FHIT: variants seen among roughly 807,000 people sequenced by gnomAD.
FHIT encodes fragile histidine triad diadenosine triphosphatase.
In FHIT, 19 loss-of-function variants were observed where a neutral mutation model predicts 17.9. That is an observed-to-expected ratio of 1.06 (90% CI 0.74 to 1.56). FHIT has a LOEUF of 1.56. Ranked by LOEUF, FHIT falls within the 40% of genes most tolerant of loss-of-function variation. FHIT has a pLI of 0.00. For missense variants in FHIT, 248 were observed against 189.2 expected (o/e 1.31, Z -1.82); for synonymous variants, 81 against 69.7 (o/e 1.16, Z -0.81).
At chr3:60,818,342 G>A (rs1701807195) in intron 4 of FHIT, among the ~76,000 whole-genome samples, 1 of 152,098 alleles carries the variant, frequency 6.6e-6, no homozygotes, top group African/African-American at 2.4e-5. Context: ...GTTATTGTAT[G>A]CAGAGCTTCA....
At chr3:60,957,375 T>C (rs927683586) in intron 3 of FHIT, among the ~76,000 whole-genome samples, 6 of 151,904 alleles carry the variant, frequency 3.9e-5, no homozygotes, top group Admixed American at 1.3e-4. Flanking sequence ...GTAGCTGGGA[T>C]TACAGGCACG....
intron 4 of FHIT, among the ~76,000 whole-genome samples, chr3:60,546,415 CTCCTT>C (rs1425376663): frequency 6.6e-6 from 1 of 152,110 alleles, no homozygotes; most frequent in Non-Finnish European, 1.5e-5. Flanking sequence ...ATATTCCTAC[CTCCTT>C]TCATCTCTTC....
intron 4 of FHIT, among the ~76,000 whole-genome samples, chr3:60,569,738 T>TAC (rs1553654781): frequency 0.016 from 1,002 of 61,740 alleles, 11 homozygotes; most frequent in Admixed American, 0.025. Context: ...TATATATATA[T>TAC]ATATATATAT....
rs866097896 is a variant in FHIT at position 61,179,687 on chromosome 3, G to A, written c.-164+20930C>T. ...TGTGCCACTGCACTCCAGTCTGGGTGACAGAGCAAGACCCTATCTCAAAAA... is the reference window on the plus strand; with the variant it reads ...TGTGCCACTGCACTCCAGTCTGGGTAACAGAGCAAGACCCTATCTCAAAAA... On this transcript the variant is annotated intron_variant, in intron 2 of 9. Coordinates refer to ENST00000492590, the MANE Select transcript of FHIT (RefSeq NM_002012.4). Among the ~76,000 whole-genome samples, 29 of 114,922 alleles carry A rather than the reference G, an allele frequency of 2.5e-4. No individual in the cohort carries two copies. The Middle Eastern group carries it at 0.025, about 99-fold the overall frequency. 75.4% of individuals were successfully genotyped at this position (114,922 alleles called of 152,430 possible).
chr3:60,543,777 C>T (rs181003846), intron 4 of FHIT, among the ~76,000 whole-genome samples: 245 of 152,196 alleles, frequency 1.6e-3, no homozygotes, highest in South Asian at 2.1e-3. Flanking sequence ...CAGAGTTTCG[C>T]TCTGTCACCC....
At chr3:60,441,890 G>T (rs1183241844) in intron 5 of FHIT, among the ~76,000 whole-genome samples, 3 of 137,172 alleles carry the variant, frequency 2.2e-5, no homozygotes, top group African/African-American at 8.2e-5. Flanking sequence ...ACAAGGACTC[G>T]CTCTGTCACC....
intron 4 of FHIT, among the ~76,000 whole-genome samples, chr3:60,615,400 A>G (rs2107740421): frequency 6.6e-6 from 1 of 152,324 alleles, no homozygotes; most frequent in Non-Finnish European, 1.5e-5. Flanking sequence ...CCAACTCTTC[A>G]CTAACATCTC....
chr3:60,613,138 C>T (rs1369116157), intron 4 of FHIT, among the ~76,000 whole-genome samples: 1 of 152,212 alleles, frequency 6.6e-6, no homozygotes, highest in East Asian at 1.9e-4. Context: ...TAATGCTTGA[C>T]TTTTTCTTCC....
chr3:61,118,150 C>T (rs1576046414), intron 2 of FHIT, among the ~76,000 whole-genome samples: 1 of 152,148 alleles, frequency 6.6e-6, no homozygotes, highest in African/African-American at 2.4e-5. Flanking sequence ...CAAGGTCCAA[C>T]ATTTTATTAC....
chr3:59,768,630 CATA>C (rs201877424), intron 8 of FHIT, among the ~76,000 whole-genome samples: 1,788 of 152,312 alleles, frequency 0.012, 2 homozygotes, highest in African/African-American at 0.041. Context: ...ACATCAATGT[CATA>C]TGGTTCAATC....
At chr3:61,116,322 C>A (rs534029651) in intron 2 of FHIT, among the ~76,000 whole-genome samples, 1 of 152,218 alleles carries the variant, frequency 6.6e-6, no homozygotes, top group East Asian at 1.9e-4. Flanking sequence ...ACTTTTAATT[C>A]TCCCAAATAC....
At chr3:60,660,727 C>CTTTTTTTTTTTTTTTTTTTTT (rs1220817643) in intron 4 of FHIT, among the ~76,000 whole-genome samples, 5 of 16,732 alleles carry the variant, frequency 3.0e-4, no homozygotes, top group South Asian at 2.3e-3. Flanking sequence ...TTTTATTGTG[C>CTTTTTTTTTTTTTTTTTTTTT]TCTTTTTTTT....
chr3:60,982,596 T>G (rs1488175417), intron 3 of FHIT, among the ~76,000 whole-genome samples: 2 of 152,164 alleles, frequency 1.3e-5, no homozygotes, highest in Non-Finnish European at 2.9e-5. Context: ...TCCTCCCCGT[T>G]TGTACAGAAA....
chr3:59,932,321 G>T (rs937330947), intron 7 of FHIT, among the ~76,000 whole-genome samples: 1 of 152,094 alleles, frequency 6.6e-6, no homozygotes, highest in African/African-American at 2.4e-5. Flanking sequence ...CTGAGATTCA[G>T]AACAAAAAGA....
chr3:60,747,676 C>T (rs112394262), intron 4 of FHIT, among the ~76,000 whole-genome samples: 3,625 of 152,290 alleles, frequency 0.024, 47 homozygotes, highest in Middle Eastern at 0.044. Context: ...GCTGGGGTGA[C>T]AGGAGCAACA....
intron 5 of FHIT, among the ~76,000 whole-genome samples, chr3:60,131,121 C>T (rs1340190090): frequency 2.2e-5 from 3 of 135,644 alleles, no homozygotes; most frequent in South Asian, 2.6e-4. Flanking sequence ...ACAGTCATCC[C>T]TTGGATTGGT....
chr3:60,027,515 G>A (rs1000016681), intron 5 of FHIT, among the ~76,000 whole-genome samples: 1 of 151,908 alleles, frequency 6.6e-6, no homozygotes, highest in African/African-American at 2.4e-5. Flanking sequence ...AAAGAAAATA[G>A]AAACTGCTTA....
chr3:60,931,861 A>G (rs1195709982), intron 3 of FHIT, among the ~76,000 whole-genome samples: 1 of 152,222 alleles, frequency 6.6e-6, no homozygotes, highest in East Asian at 1.9e-4. Context: ...GGACACTTAA[A>G]TGACCATTTT....
chr3:59,946,925 T>C (rs1706836410), intron 7 of FHIT, among the ~76,000 whole-genome samples: 1 of 152,206 alleles, frequency 6.6e-6, no homozygotes, highest in Non-Finnish European at 1.5e-5. Flanking sequence ...AGTATTTGGT[T>C]GCGGATTTTT....
Sources: allele counts gnomAD v4.1 joint callset (sites outside exome capture counted in the v4.1 genomes callset), GRCh38; gene constraint gnomAD v4.1.1; transcripts MANE v1.5; gene names NCBI Gene and HGNC (gene_info 2026-07-23, HGNC 2026-07-21).